PCDHGB2: variants seen among roughly 807,000 people sequenced by gnomAD.
PCDHGB2 encodes the protein protocadherin gamma subfamily B, 2.
In PCDHGB2, 55 loss-of-function variants were observed where a neutral mutation model predicts 59.3. The observed-to-expected ratio is 0.93, with a 90% CI of 0.75 to 1.16. PCDHGB2 has a LOEUF of 1.16. Ranked by LOEUF, PCDHGB2 falls within the 50% of genes most tolerant of loss-of-function variation. PCDHGB2 has a pLI of 0.00. For missense variants in PCDHGB2, 1,228 were observed against 1,198.5 expected (o/e 1.02, Z -0.36); for synonymous variants, 516 against 512.0 (o/e 1.01, Z -0.11).
In PCDHGB2 at chr5:141,400,151, C is replaced by G. The variant is rs201457414; in HGVS notation, c.2421+37595C>G. ...GTGCTGCCGGATATCACTGACCGCC[C>G]TGTACCCTCTGACCCCCAGGCTGAG... On this transcript the variant is annotated intron_variant, in intron 1 of 3. Transcript: ENST00000522605. 6.4e-5 allele frequency: 104 copies of G among 1,614,086 alleles called. No individual in the cohort carries two copies. The highest frequency in any genetic ancestry group is 4.9e-4 in the Middle Eastern group (3 of 6,062).
chr5:141,402,994 C>A (rs1253121982), intron 1 of PCDHGB2: 1 of 1,613,722 alleles, frequency 6.2e-7, no homozygotes, highest in Non-Finnish European at 8.5e-7. Context: ...GAAGATTAGT[C>A]CTGCTATGCT....
intron 1 of PCDHGB2, chr5:141,376,285 C>T (rs1303749719): frequency 5.0e-6 from 8 of 1,614,112 alleles, no homozygotes; most frequent in Admixed American, 1.7e-5. Flanking sequence ...GCTTAGCGAG[C>T]ATGCCCGGCT....
intron 1 of PCDHGB2, among the ~76,000 whole-genome samples, chr5:141,387,521 C>G (rs1036909067): frequency 6.6e-6 from 1 of 152,188 alleles, no homozygotes; most frequent in Non-Finnish European, 1.5e-5. Flanking sequence ...ATTAAATATA[C>G]AGACGTATCC....
Position 141,360,941 on chromosome 5 carries a change from G to T in PCDHGB2, c.806G>T (p.Arg269Leu). 1 of 1,613,946 alleles carries T rather than the reference G, an allele frequency of 6.2e-7. No homozygotes were observed. Residue 269 changes from arginine to leucine, a missense_variant, in exon 1 of 4, where the codon CGG becomes CTG. By Grantham distance (102) the Arg-to-Leu change is moderately radical. Around this residue, in one of 3 missense-constraint regions of PCDHGB2, gnomAD observed 781 missense variants for 721.6 expected, o/e 1.08. Transcript: ENST00000522605. ...GTGCTTCAAGTGACAGCCACCGACCGGGATGAAGGCATAAACGCAGAGATC... is the reference window on the plus strand; with the variant it reads ...GTGCTTCAAGTGACAGCCACCGACCTGGATGAAGGCATAAACGCAGAGATC... The part of the protein sequence containing the change: ...FFVLQVTATD[R>L]DEGINAEITY...
At chr5:141,421,252 G>A in intron 1 of PCDHGB2, 1 of 1,607,158 alleles carries the variant, frequency 6.2e-7, no homozygotes, top group Non-Finnish European at 8.5e-7. Context: ...ACAGCGCGGG[G>A]ACCGCAGTCG....
Position 141,477,920 on chromosome 5 carries a change from C to A in PCDHGB2, c.2422-16887C>A, listed in dbSNP as rs755219711. ...GGTAGGCTGGGACGCGGATGCAGGGCACAATGCCTGGCTCTCCTACAGTCT... is the reference window on the plus strand; with the variant it reads ...GGTAGGCTGGGACGCGGATGCAGGGAACAATGCCTGGCTCTCCTACAGTCT... On this transcript the variant is annotated intron_variant, in intron 1 of 3. Transcript: ENST00000522605. The surrounding 1 kb of genome is among the most constrained non-coding windows in gnomAD (Gnocchi z 4.9). The A allele has an allele frequency of 6.2e-7, 1 of 1,614,180 alleles. No individual in the cohort carries two copies. The highest frequency in any genetic ancestry group is 8.5e-7 in the Non-Finnish European group (1 of 1,180,038).
chr5:141,409,041 A>G lies in PCDHGB2; in HGVS notation c.2421+46485A>G, dbSNP rs981171621. On this transcript the variant is annotated intron_variant, in intron 1 of 3. Coordinates refer to ENST00000522605, the MANE Select transcript of PCDHGB2 (RefSeq NM_018923.3). ...GGGGTCAATGCTGAGATAAACTACT[A>G]CTTCCGAAGCACTGCCCAGAGCACA... The G allele has an allele frequency of 8.7e-6, 14 of 1,613,864 alleles. No homozygotes were observed. Among genetic ancestry groups the G allele is most frequent in the Non-Finnish European group, 7.6e-6 (9 of 1,179,894 alleles).
chr5:141,398,643 C>G, intron 1 of PCDHGB2: 2 of 1,614,024 alleles, frequency 1.2e-6, no homozygotes, highest in Non-Finnish European at 1.7e-6. Context: ...AGTATAAACT[C>G]TCTCTTAACC....
chr5:141,398,212 C>T, intron 1 of PCDHGB2: 1 of 1,484,360 alleles, frequency 6.7e-7, no homozygotes, highest in South Asian at 1.3e-5. Flanking sequence ...CTGCCCGGCG[C>T]TCTGTGAGCA....
At chr5:141,362,631 A>G in intron 1 of PCDHGB2, 75 bp downstream of exon 1, 1 of 1,494,752 alleles carries the variant, frequency 6.7e-7, no homozygotes, top group Non-Finnish European at 9.0e-7. Flanking sequence ...TCCACTGCGT[A>G]TTTCTTTGTC....
Position 141,477,783 on chromosome 5 carries a change from T to C in PCDHGB2, c.2422-17024T>C. 1 of 1,614,078 alleles carries C rather than the reference T, an allele frequency of 6.2e-7. No individual in the cohort carries two copies. Among genetic ancestry groups the C allele is most frequent in the Non-Finnish European group, 8.5e-7 (1 of 1,180,028 alleles). On this transcript the variant is annotated intron_variant, in intron 1 of 3. Coordinates refer to ENST00000522605, the MANE Select transcript of PCDHGB2 (RefSeq NM_018923.3). The surrounding 1 kb of genome is among the most constrained non-coding windows in gnomAD (Gnocchi z 4.9). ...GCCACCAACATCAGCGTGAACATAT[T>C]TGTCACTGATCGCAATGACAATGCC...
intron 1 of PCDHGB2, chr5:141,427,054 C>T (rs1235803553): frequency 4.4e-6 from 2 of 457,580 alleles, no homozygotes; most frequent in Admixed American, 4.7e-5. Context: ...CCCCCAGGCA[C>T]CTCTGTACTA....
At position 141,477,146 on chromosome 5, in the gene PCDHGB2, G is replaced by A. The variant is rs1447966302; in HGVS notation, c.2422-17661G>A. The stretch of plus-strand genomic sequence containing the variant: ...TTGCAAAGTGTTGGTGGAGGTTGTG[G>A]ATGTGAATGACAACGCCCCGGAGAT... On this transcript the variant is annotated intron_variant, in intron 1 of 3. Coordinates refer to ENST00000522605, the MANE Select transcript of PCDHGB2 (RefSeq NM_018923.3). This position sits in a 1 kb window ranked among gnomAD's most constrained non-coding sequence, Gnocchi z 4.9. 1 of 1,614,182 alleles carries A rather than the reference G, an allele frequency of 6.2e-7. No homozygotes were observed. The highest frequency in any genetic ancestry group is 8.5e-7 in the Non-Finnish European group (1 of 1,180,044).
At chr5:141,406,515 T>C (rs2094818414) in intron 1 of PCDHGB2, among the ~76,000 whole-genome samples, 1 of 152,234 alleles carries the variant, frequency 6.6e-6, no homozygotes, top group Non-Finnish European at 1.5e-5. Context: ...TGTTTGTGTT[T>C]ACAGATATTT....
At chr5:141,406,331 C>A (rs577134835) in intron 1 of PCDHGB2, among the ~76,000 whole-genome samples, 22 of 152,002 alleles carry the variant, frequency 1.4e-4, no homozygotes, top group Non-Finnish European at 2.8e-4. Context: ...CTTACTCCTA[C>A]GATCATTTAT....
intron 1 of PCDHGB2, chr5:141,492,007 C>T (rs1261430567): frequency 3.0e-5 from 19 of 628,956 alleles, no homozygotes; most frequent in Non-Finnish European, 4.6e-5. Flanking sequence ...GCGATTTCCG[C>T]GGGTGTCGGG....
chr5:141,446,634 G>A (rs927873152), intron 1 of PCDHGB2, among the ~76,000 whole-genome samples: 6 of 151,928 alleles, frequency 3.9e-5, no homozygotes, highest in Admixed American at 2.6e-4. Context: ...GCACCACCAC[G>A]CCTGGCTAAT....
At chr5:141,481,647 A>C (rs749515062) in intron 1 of PCDHGB2, among the ~76,000 whole-genome samples, 28 of 151,830 alleles carry the variant, frequency 1.8e-4, no homozygotes, top group African/African-American at 6.5e-4. Context: ...GTGAAACTTC[A>C]TCTCTACTAA....
intron 1 of PCDHGB2, chr5:141,376,616 G>C: frequency 7.1e-7 from 1 of 1,413,872 alleles, no homozygotes; most frequent in Non-Finnish European, 9.6e-7. Flanking sequence ...AACCTCTTTT[G>C]GTACAGGAAG....
Sources: allele counts gnomAD v4.1 joint callset (sites outside exome capture counted in the v4.1 genomes callset), GRCh38; gene constraint gnomAD v4.1.1; regional missense constraint gnomAD v4.1.1; non-coding constraint Gnocchi (gnomAD v3.1); transcripts MANE v1.5; gene names NCBI Gene and HGNC (gene_info 2026-07-23, HGNC 2026-07-21).